The following RECQL4 variants were observed in gnomAD, a reference collection of about 807,000 sequenced individuals.
RECQL4 encodes RecQ like helicase 4, also known as ATP-dependent DNA helicase Q4.
RECQL4 carries 158 observed loss-of-function variants against 128.6 expected under a neutral mutation model. The observed-to-expected ratio is 1.23, with a 90% CI of 1.08 to 1.40. The LOEUF (loss-of-function observed/expected upper bound fraction) is 1.40, where lower values mean the gene tolerates loss of function less well. Among genes scored for constraint, RECQL4 ranks in the 40% most tolerant of loss-of-function variants. The pLI, the probability that RECQL4 is intolerant of heterozygous loss-of-function variation, is 0.00. For synonymous variants in RECQL4, 996 were observed against 678.9 expected, an observed-to-expected ratio of 1.47 and a Z score of -7.26; for missense variants, 2,293 against 1,649.8, an observed-to-expected ratio of 1.39 and a Z score of -6.75.
At chr8:144,515,697 C>T in intron 6 of RECQL4, 67 bp downstream of exon 6, 1 of 1,573,264 alleles carries the variant, frequency 6.4e-7, no homozygotes. Flanking sequence ...CATAAGTGTC[C>T]CCCAAAAGAG....
In RECQL4 at chr8:144,513,136, G is replaced by C; in HGVS notation, c.2466C>G (p.Gly822=). ...AHCHLFLQPQ[G]EDLRELRRHV... ...GTCTGCGCAGCTCTCGCAGGTCTTC[G>C]CCCTGCAGGGCAACTTTCATGAGGG... Residue 822 remains glycine (G), a splice_region_variant and synonymous_variant, in exon 15 of 21, where the codon GGC becomes GGG. Transcript: ENST00000617875. 2 of 1,400,304 alleles carry C rather than the reference G, an allele frequency of 1.4e-6. No individual in the cohort carries two copies. Among genetic ancestry groups the C allele is most frequent in the Non-Finnish European group, 1.9e-6 (2 of 1,056,586 alleles). The allele number at this position is 1,400,304 out of a possible 1,614,324, so 86.7% of individuals were successfully genotyped here. A position where few individuals can be genotyped will look rare whatever the true frequency, so the allele number is the denominator to read the frequency against.
intron 11 of RECQL4, 21 bp from the exon 12 acceptor site, chr8:144,514,128 G>T: frequency 6.2e-7 from 1 of 1,609,882 alleles, no homozygotes; most frequent in Non-Finnish European, 8.5e-7. Flanking sequence ...GGCGGCAGTG[G>T]TGTGAGGCCG....
Position 144,512,856 on chromosome 8 carries a change from G to A in RECQL4, c.2746C>T (p.Pro916Ser), listed in dbSNP as rs1827511034. 15 of 1,603,404 alleles carry A rather than the reference G, an allele frequency of 9.4e-6. No individual in the cohort carries two copies. The highest frequency in any genetic ancestry group is 5.3e-5 in the African/African-American group (4 of 74,910). ...ACCCCAGGTTCCTCACCCTCCTCCG[G>A]CATGTCCAAAGCCTGTACGGTAAGC... ...IQLTVQALDMPEEAIETLLCY... is the reference protein window; with the variant it reads ...IQLTVQALDMSEEAIETLLCY... The change falls in exon 15 of 21, where the codon CCG becomes TCG. Residue 916 changes from proline (P) to serine (S), a missense_variant. Transcript: ENST00000617875.
rs2721190 is a variant in RECQL4, at chr8:144,517,130, A to G, written c.274T>C (p.Ser92Pro). Reference protein sequence around the residue: ...LNRAATKSPQSTPGRSRQGSV... With the variant: ...LNRAATKSPQPTPGRSRQGSV... ...CCCTGGCGGCTCCGCCCTGGCGTAG[A>G]CTGTGGACTCTTGGTCGCAGCCCGA... Residue 92 changes from serine (S) to proline (P), a missense_variant, in exon 4 of 21, where the codon TCT (serine) becomes CCT (proline). Ser to Pro is a moderately conservative substitution (Grantham distance 74). Transcript: ENST00000617875. The G allele has an allele frequency of 0.99, 1,593,870 of 1,612,104 alleles. 789,429 individuals are homozygous for G. The highest frequency in any genetic ancestry group is 1 in the Non-Finnish European group (1,179,312 of 1,179,722).
Position 144,511,414 on chromosome 8 carries a change from C to T in RECQL4, c.*17G>A, listed in dbSNP as rs894778276. ...TGACAACCCCAGCTCTACCCGACAT[C>T]CCCCAATGCAGTGCAGTCAGCGGGC... On this transcript the variant is annotated 3_prime_UTR_variant, in exon 21 of 21. Transcript: ENST00000617875. The T allele has an allele frequency of 6.2e-6, 10 of 1,610,148 alleles. No homozygotes were observed. Among genetic ancestry groups the T allele is most frequent in the Admixed American group, 1.7e-5 (1 of 59,964 alleles).
rs1370203542 is a variant in RECQL4, at chr8:144,517,785, GGC to G, written c.-3_-2del. The G allele has an allele frequency of 8.9e-6, 11 of 1,231,622 alleles. No homozygotes were observed. The South Asian group carries it at 1.2e-4, about 13-fold the overall frequency. 76.3% of individuals were successfully genotyped at this position (1,231,622 alleles called of 1,614,324 possible). On this transcript the variant is annotated 5_prime_UTR_variant, in exon 1 of 21. Transcript: ENST00000617875. The stretch of plus-strand genomic sequence containing the variant: ...CCCGCACGTCCCGCAGCCGCTCCAT[GGC>G]GCGCGCGCCCGCCCGGCCTCCGCGC...
rs774699880 is a variant in RECQL4 at position 144,516,664 on chromosome 8, G to C, written c.455C>G (p.Ala152Gly). ...PPGTGPVPSF[A>G]EKVSDEPPQL... ...TGGAGGCTCATCACTGACTTTTTCT[G>C]CAAAGGAGGGGACAGGCCCTGTACC... Residue 152 changes from alanine to glycine, a missense_variant, in exon 5 of 21, where the codon GCA (alanine) becomes GGA (glycine). Transcript: ENST00000617875. The C allele has an allele frequency of 1.9e-6, 3 of 1,599,906 alleles. No homozygotes were observed. Among genetic ancestry groups the C allele is most frequent in the African/African-American group, 1.3e-5 (1 of 74,336 alleles).
chr8:144,517,035 C>T lies in RECQL4; in HGVS notation c.354+15G>A, dbSNP rs1815213750. On this transcript the variant is annotated intron_variant, in intron 4 of 20. Coordinates refer to ENST00000617875, the MANE Select transcript of RECQL4 (RefSeq NM_004260.4). ...TGTGGACCTAGCGTGGACTCACTGC[C>T]TGCCCACTCCTCACCTGCAGGGTGC... 1.2e-6 allele frequency: 2 copies of T among 1,604,030 alleles called. No individual in the cohort carries two copies. The highest frequency in any genetic ancestry group is 1.1e-5 in the South Asian group (1 of 90,844).
Position 144,516,761 on chromosome 8 carries a change from C to T in RECQL4, c.358G>A (p.Gly120Arg), listed in dbSNP as rs571635676. The change falls in exon 5 of 21, where the codon GGA (glycine) becomes AGA (arginine). Residue 120 changes from glycine to arginine, a missense_variant. Physicochemically the swap from Gly to Arg is moderately radical, Grantham distance 125. Transcript: ENST00000617875. ...KANLKGTLQAGPALGRRPWPL... is the reference protein window; with the variant it reads ...KANLKGTLQARPALGRRPWPL... ...CACGGTCTGCGGCCCAGGGCTGGTC[C>T]GGCCTGGGAGGGGAACAACAGAACA... is the stretch of plus-strand genomic sequence containing the variant. 2.6e-6 allele frequency: 4 copies of T among 1,519,932 alleles called. No homozygotes were observed. Among genetic ancestry groups the T allele is most frequent in the Non-Finnish European group, 3.5e-6 (4 of 1,138,042 alleles). 94.2% of individuals were successfully genotyped at this position (1,519,932 alleles called of 1,614,324 possible).
In RECQL4 at chr8:144,517,603, G is replaced by A; in HGVS notation, c.117C>T (p.Arg39=). 1 of 1,486,614 alleles carries A rather than the reference G, an allele frequency of 6.7e-7. No homozygotes were observed. Among genetic ancestry groups the A allele is most frequent in the Non-Finnish European group, 8.9e-7 (1 of 1,126,492 alleles). 92.1% of individuals were successfully genotyped at this position (1,486,614 alleles called of 1,614,324 possible). ...CCCGCCGCCCCGCCGCGCGCTCACC[G>A]CGGGTCTCCTCCGGCGCCGCCTCCA... ...DDVEAAPEET[R]ALYREYRTLK... Residue 39 remains arginine, a splice_region_variant and synonymous_variant, in exon 2 of 21, where the codon CGC becomes CGT. Coordinates refer to ENST00000617875, the MANE Select transcript of RECQL4 (RefSeq NM_004260.4).
In RECQL4 at chr8:144,512,568, C is replaced by G. The variant is rs757341042; in HGVS notation, c.2886-7G>C. The G allele has an allele frequency of 2.5e-6, 4 of 1,612,274 alleles. No homozygotes were observed. In the Admixed American group the frequency reaches 6.7e-5, roughly 27 times the overall value. ...CACAGCCAAAGGGGGACACCTGTGC[C>G]CAGGGAAAAAGGGACATGTGGCCAA... On this transcript the variant is annotated splice_region_variant and splice_polypyrimidine_tract_variant and intron_variant, in intron 16 of 20. Transcript: ENST00000617875.
intron 4 of RECQL4, 107 bp from the exon 5 acceptor site, chr8:144,516,871 G>A (rs879837553): frequency 1.4e-4 from 197 of 1,380,906 alleles, no homozygotes; most frequent in Non-Finnish European, 1.7e-4. Flanking sequence ...AGGCTAATTA[G>A]CACAAGGCTG....
Position 144,511,587 on chromosome 8 carries a change from C to T in RECQL4, c.3503-32G>A, listed in dbSNP as rs761818423. 3.3e-5 allele frequency: 53 copies of T among 1,608,140 alleles called. No homozygotes were observed. The East Asian group carries it at 1.0e-3, about 31-fold the overall frequency. On this transcript the variant is annotated intron_variant, in intron 20 of 20. Transcript: ENST00000617875. ...TGGAGCCAAGACACAGCCGTGAGCC[C>T]CAGCCCCAGCCTGCAGCGGGTGGAG...
chr8:144,513,167 T>C (rs559004515), intron 14 of RECQL4, 29 bp from the exon 15 acceptor site: 2 of 1,044,406 alleles, frequency 1.9e-6, no homozygotes, highest in Non-Finnish European at 2.5e-6. Context: ...GAGGGTGGGG[T>C]GGACCACTGG....
rs35667555 is a variant in RECQL4 at position 144,517,821 on chromosome 8, G to T, written c.-37C>A. The T allele has an allele frequency of 0.019, 22,005 of 1,188,578 alleles. 268 individuals carry two copies. The highest frequency in any genetic ancestry group is 0.02 in the Non-Finnish European group (18,839 of 959,138). 73.6% of individuals were successfully genotyped at this position (1,188,578 alleles called of 1,614,324 possible). ...CCGCCCGGCCTCCGCGCTTGCGATC[G>T]TCCAGCGAATCTCCCGCGCAGCCGT... On this transcript the variant is annotated 5_prime_UTR_variant, in exon 1 of 21. Transcript: ENST00000617875.
rs775332504 is a variant in RECQL4 at position 144,514,005 on chromosome 8, C to T, written c.1981G>A (p.Glu661Lys). The T allele has an allele frequency of 6.6e-5, 104 of 1,569,494 alleles. No homozygotes were observed. The highest frequency in any genetic ancestry group is 7.9e-5 in the Non-Finnish European group (92 of 1,158,236). ...GGGGCTGGCCCGTGGAGGTCAGGCT[C>T]TTCAGCCACAGCCAGGTGCTGTGCC... ...DVAQHLAVAE[E>K]PDLHGPAPVP... Residue 661 changes from glutamate to lysine, a missense_variant, in exon 12 of 21, where the codon GAG becomes AAG. By Grantham distance (56) the Glu-to-Lys change is moderately conservative (BLOSUM62 1). Coordinates refer to ENST00000617875, the MANE Select transcript of RECQL4 (RefSeq NM_004260.4).
At position 144,515,237 on chromosome 8, in the gene RECQL4, G is replaced by A. The variant is rs562809072; in HGVS notation, c.1396C>T (p.Pro466Ser). 7 of 1,590,572 alleles carry A rather than the reference G, an allele frequency of 4.4e-6. No individual in the cohort carries two copies. Among genetic ancestry groups the A allele is most frequent in the Middle Eastern group, 3.3e-4 (2 of 6,038 alleles). Residue 466 changes from proline (P) to serine (S), a missense_variant, in exon 8 of 21, where the codon CCG (proline) becomes TCG (serine). By Grantham distance (74) the Pro-to-Ser change is moderately conservative. Coordinates refer to ENST00000617875, the MANE Select transcript of RECQL4 (RefSeq NM_004260.4). ...LGPSGQLAET[P>S]AEVFQALEQL... ...TCCAGGGCCTGGAACACCTCAGCCG[G>A]CGTCTCTGCAGACACAGATGTTGAT...
Position 144,511,744 on chromosome 8 carries a change from G to A in RECQL4, c.3439C>T (p.Leu1147=), listed in dbSNP as rs1827247320. Residue 1147 remains leucine, a synonymous_variant, in exon 20 of 21, where the codon CTG becomes TTG. Coordinates refer to ENST00000617875, the MANE Select transcript of RECQL4 (RefSeq NM_004260.4). The part of the protein sequence containing the change: ...DQVRCDIRQF[L]SLRPEEKFSS... ...AACTTCTCCTCTGGCCTCAGGGACAGGAACTGGCGGATGTCGCAGCGGACC... is the reference window on the plus strand; with the variant it reads ...AACTTCTCCTCTGGCCTCAGGGACAAGAACTGGCGGATGTCGCAGCGGACC... 1 of 1,612,616 alleles carries A rather than the reference G, an allele frequency of 6.2e-7. No homozygotes were observed. The highest frequency in any genetic ancestry group is 8.5e-7 in the Non-Finnish European group (1 of 1,179,832).
At position 144,511,902 on chromosome 8, in the gene RECQL4, T is replaced by G. The variant is rs4251692; in HGVS notation, c.3393+9A>C. On this transcript the variant is annotated intron_variant, in intron 19 of 20. Transcript: ENST00000617875. ...ACCCCGATGAGCTGCCTGGCCTTAC[T>G]GCACTCACTCTGGCCTGCCCTGGCT... 9 of 1,610,540 alleles carry G rather than the reference T, an allele frequency of 5.6e-6. No individual in the cohort carries two copies. The highest frequency in any genetic ancestry group is 7.6e-6 in the Non-Finnish European group (9 of 1,179,602).
Sources: gnomAD v4.1 joint callset for allele counts on GRCh38, gnomAD v4.1.1 for gene constraint, MANE v1.5 for transcripts, NCBI Gene and HGNC (gene_info 2026-07-23, HGNC 2026-07-21) for gene names.